HACD2: variants seen among roughly 807,000 people sequenced by gnomAD.
HACD2 encodes very-long-chain (3R)-3-hydroxyacyl-CoA dehydratase 2.
Under a neutral mutation model 31.0 loss-of-function variants are expected in HACD2, and 15 were observed. That is an observed-to-expected ratio of 0.48 (90% CI 0.32 to 0.75). The LOEUF (loss-of-function observed/expected upper bound fraction) is 0.75. Among genes scored for constraint, HACD2 ranks in the 30% least tolerant of loss-of-function variants. The pLI is 0.03. For synonymous variants in HACD2, 115 were observed against 122.2 expected, an observed-to-expected ratio of 0.94 and a Z score of 0.39; for missense variants, 283 against 313.0, an observed-to-expected ratio of 0.90 and a Z score of 0.72.
chr3:123,560,286 T>C (rs753861332), intron 3 of HACD2, among the ~76,000 whole-genome samples: 6 of 152,164 alleles, frequency 3.9e-5, no homozygotes, highest in Non-Finnish European at 8.8e-5. Context: ...TGGGAAAGAT[T>C]AAAGTTTGAA....
chr3:123,516,232 TA>T (rs1471130883), intron 4 of HACD2, among the ~76,000 whole-genome samples: 3 of 94,298 alleles, frequency 3.2e-5, no homozygotes, highest in East Asian at 3.4e-4. Context: ...ATGTGCAACA[TA>T]TTTTTTTTTT....
chr3:123,525,746 T>G (rs2056275317), intron 4 of HACD2, among the ~76,000 whole-genome samples: 1 of 152,150 alleles, frequency 6.6e-6, no homozygotes, highest in South Asian at 2.1e-4. Context: ...AACTGAGAAA[T>G]GATAGTAGTG....
At chr3:123,508,245 G>A (rs2056003949) in intron 4 of HACD2, among the ~76,000 whole-genome samples, 1 of 152,170 alleles carries the variant, frequency 6.6e-6, no homozygotes. Flanking sequence ...CTTCCGGTTA[G>A]GGAATCTTTC....
At chr3:123,527,273 CT>C (rs2056296212) in intron 4 of HACD2, among the ~76,000 whole-genome samples, 1 of 152,176 alleles carries the variant, frequency 6.6e-6, no homozygotes. Context: ...TGAAGTTTCA[CT>C]TTCCGTAGCT....
intron 3 of HACD2, among the ~76,000 whole-genome samples, chr3:123,537,678 A>G (rs1054393068): frequency 6.6e-6 from 1 of 152,052 alleles, no homozygotes; most frequent in African/African-American, 2.4e-5. Flanking sequence ...CTTTTTCATG[A>G]TAGTATAAGC....
intron 4 of HACD2, among the ~76,000 whole-genome samples, chr3:123,507,294 G>T (rs982818867): frequency 6.6e-6 from 1 of 152,124 alleles, no homozygotes; most frequent in Admixed American, 6.6e-5. Context: ...TCTGCTCAAA[G>T]ATTTTAATGC....
At chr3:123,583,693 A>C (rs1450442862) in intron 1 of HACD2, among the ~76,000 whole-genome samples, 1 of 152,244 alleles carries the variant, frequency 6.6e-6, no homozygotes, top group African/African-American at 2.4e-5. Flanking sequence ...AACTGTAAAA[A>C]TATTAATATA....
At chr3:123,516,510 A>G (rs1482531930) in intron 4 of HACD2, among the ~76,000 whole-genome samples, 1 of 152,208 alleles carries the variant, frequency 6.6e-6, no homozygotes, top group Admixed American at 6.5e-5. Flanking sequence ...CTGGGATTAC[A>G]GGCGTGTGCC....
intron 3 of HACD2, among the ~76,000 whole-genome samples, chr3:123,536,492 C>G (rs771334727): frequency 6.6e-6 from 1 of 152,134 alleles, no homozygotes. Context: ...AAGATTAAAG[C>G]AACTGGAAGA....
At chr3:123,549,896 T>C (rs2056600202) in intron 3 of HACD2, among the ~76,000 whole-genome samples, 1 of 152,168 alleles carries the variant, frequency 6.6e-6, no homozygotes, top group Non-Finnish European at 1.5e-5. Flanking sequence ...AAATTATAAC[T>C]GCAGTCTTCA....
intron 3 of HACD2, among the ~76,000 whole-genome samples, chr3:123,564,735 G>A (rs1576232599): frequency 1.3e-5 from 2 of 152,296 alleles, no homozygotes; most frequent in East Asian, 3.9e-4. Context: ...AGGGTCAATG[G>A]CCAGGTTAAA....
At chr3:123,571,822 C>T (rs1388177544) in intron 2 of HACD2, among the ~76,000 whole-genome samples, 1 of 152,142 alleles carries the variant, frequency 6.6e-6, no homozygotes, top group Non-Finnish European at 1.5e-5. Context: ...TTTTGTTTTA[C>T]AGCAACAAAA....
chr3:123,568,125 G>C (rs1024902635), intron 2 of HACD2, among the ~76,000 whole-genome samples: 1 of 152,176 alleles, frequency 6.6e-6, no homozygotes, highest in Non-Finnish European at 1.5e-5. Flanking sequence ...TGTCCCATAT[G>C]CTATAGAACA....
At position 123,500,571 on chromosome 3, in the gene HACD2, T is replaced by C. The variant is rs377706797; in HGVS notation, c.626A>G (p.Asn209Ser). ...LYSISLPNKY[N>S]FSFDYYAFLI... ...GAATGCATAGTAGTCAAAAGAGAAA[T>C]TGTATTTGTTGGGTAAACTGATGGA... The change falls in exon 6 of 7, where the codon AAT (asparagine) becomes AGT (serine). Residue 209 changes from asparagine to serine, a missense_variant. Asn to Ser is a conservative substitution (Grantham distance 46). Transcript: ENST00000383657. 3 of 1,612,032 alleles carry C rather than the reference T, an allele frequency of 1.9e-6. No homozygotes were observed. Among genetic ancestry groups the C allele is most frequent in the African/African-American group, 1.3e-5 (1 of 74,908 alleles).
chr3:123,562,448 T>C (rs2056743857), intron 3 of HACD2, among the ~76,000 whole-genome samples: 1 of 152,098 alleles, frequency 6.6e-6, no homozygotes, highest in African/African-American at 2.4e-5. Context: ...TTTAAGAAAA[T>C]TAAGAATATG....
At chr3:123,557,129 A>C (rs2056681032) in intron 3 of HACD2, among the ~76,000 whole-genome samples, 1 of 152,264 alleles carries the variant, frequency 6.6e-6, no homozygotes, top group Non-Finnish European at 1.5e-5. Flanking sequence ...GGAGAGCAGC[A>C]GGTGAGTGAG....
intron 3 of HACD2, among the ~76,000 whole-genome samples, chr3:123,553,132 C>G (rs2107733362): frequency 6.6e-6 from 1 of 152,284 alleles, no homozygotes; most frequent in South Asian, 2.1e-4. Flanking sequence ...CTGGGAAAAT[C>G]ACCCTGTAAA....
intron 4 of HACD2, among the ~76,000 whole-genome samples, chr3:123,519,081 C>T (rs1242150232): frequency 6.7e-6 from 1 of 150,366 alleles, no homozygotes; most frequent in African/African-American, 2.4e-5. Flanking sequence ...AAAAACAAAC[C>T]TTTATGGTCT....
chr3:123,514,223 C>T (rs1443697307), intron 4 of HACD2, among the ~76,000 whole-genome samples: 1 of 152,002 alleles, frequency 6.6e-6, no homozygotes, highest in Admixed American at 6.5e-5. Context: ...TGCAGTGAGC[C>T]AAGATCTCGC....
Sources: allele counts gnomAD v4.1 joint callset (sites outside exome capture counted in the v4.1 genomes callset), GRCh38; gene constraint gnomAD v4.1.1; transcripts MANE v1.5; gene names NCBI Gene and HGNC (gene_info 2026-07-23, HGNC 2026-07-21).